Variants in TRAF3IP2 observed in about 807,000 individuals in gnomAD.
TRAF3IP2 encodes E3 ubiquitin ligase TRAF3IP2.
TRAF3IP2 carries 35 observed loss-of-function variants against 57.9 expected under a neutral mutation model. The ratio of observed to expected loss-of-function variants is 0.60; its 90% CI spans 0.46 to 0.80. The LOEUF is 0.80. Among genes scored for constraint, TRAF3IP2 ranks in the 30% least tolerant of loss-of-function variants. The pLI is 0.00. For missense variants in TRAF3IP2, 556 were observed against 706.4 expected (o/e 0.79, Z 2.41); for synonymous variants, 251 against 268.9 (o/e 0.93, Z 0.65).
At chr6:111,559,967 C>G (rs1795375849) in intron 8 of TRAF3IP2, among the ~76,000 whole-genome samples, 1 of 152,192 alleles carries the variant, frequency 6.6e-6, no homozygotes, top group South Asian at 2.1e-4. Context: ...GTCTGGCCTG[C>G]AGTAGAAGGA....
intron 8 of TRAF3IP2, among the ~76,000 whole-genome samples, chr6:111,561,405 A>C (rs368930662): frequency 1.3e-4 from 20 of 151,992 alleles, no homozygotes; most frequent in Admixed American, 9.8e-4. Context: ...ACACCACTAC[A>C]CTCCAGCCTG....
intron 8 of TRAF3IP2, 64 bp from the exon 9 acceptor site, chr6:111,559,615 G>A: frequency 6.4e-7 from 1 of 1,566,536 alleles, no homozygotes; most frequent in Non-Finnish European, 8.7e-7. Flanking sequence ...CAGATCCCAG[G>A]CTCAGTTCCC....
chr6:111,559,671 C>T, intron 8 of TRAF3IP2, 120 bp from the exon 9 acceptor site: 5 of 1,190,500 alleles, frequency 4.2e-6, no homozygotes, highest in South Asian at 3.0e-5. Context: ...ACCAAACTAT[C>T]CTGGGAGTTG....
chr6:111,578,599 C>T (rs368425411), intron 3 of TRAF3IP2, among the ~76,000 whole-genome samples: 7 of 152,110 alleles, frequency 4.6e-5, no homozygotes, highest in East Asian at 3.9e-4. Context: ...GTCGAGATCT[C>T]GCCACTGCAC....
In TRAF3IP2 at chr6:111,556,156, A is replaced by C. The variant is rs931771251; in HGVS notation, c.*3249T>G. On this transcript the variant is annotated 3_prime_UTR_variant, in exon 9 of 9. Coordinates refer to ENST00000368761, the MANE Select transcript of TRAF3IP2 (RefSeq NM_147686.4). ...GTTGGTGGTCATCGGATCTCATAGA[A>C]ATTTCAGGGGCCAAGCTTTTGTCAC... 1.3e-5 allele frequency among the ~76,000 whole-genome samples: 2 copies of C among 151,352 alleles called. No individual in the cohort carries two copies. Among genetic ancestry groups the C allele is most frequent in the African/African-American group, 4.9e-5 (2 of 41,184 alleles).
intron 7 of TRAF3IP2, 73 bp downstream of exon 7, chr6:111,566,371 A>G (rs993848208): frequency 2.5e-6 from 3 of 1,204,960 alleles, no homozygotes; most frequent in Non-Finnish European, 3.6e-6. Context: ...TCTCTGGGGA[A>G]GAATGGGACT....
chr6:111,565,200 C>T (rs1222561461), intron 7 of TRAF3IP2: 1 of 152,202 alleles, frequency 6.6e-6, no homozygotes, highest in Non-Finnish European at 1.5e-5. Context: ...CATGAAGACT[C>T]AGATGGGGAA....
chr6:111,562,894 C>T, intron 8 of TRAF3IP2, 71 bp downstream of exon 8: 1 of 1,153,488 alleles, frequency 8.7e-7, no homozygotes, highest in South Asian at 1.4e-5. Context: ...CAAGGTTTTC[C>T]ATTTAAAATC....
chr6:111,600,916 C>T (rs908505945), intron 1 of TRAF3IP2: 2 of 300,172 alleles, frequency 6.7e-6, no homozygotes, highest in Non-Finnish European at 1.2e-5. Flanking sequence ...TTAATCCTCA[C>T]ACCCACTCTA....
rs779604449 is a variant in TRAF3IP2, at chr6:111,591,953, T to C, written c.134A>G (p.Asn45Ser). ...PAPNIRNMAPNSLSAPTMLHN... is the reference protein window; with the variant it reads ...PAPNIRNMAPSSLSAPTMLHN... The stretch of plus-strand genomic sequence containing the variant: ...AAGCATTGTGGGTGCAGACAAGCTG[T>C]TGGGTGCCATGTTCCTTATATTTGG... Residue 45 changes from asparagine (N) to serine (S), a missense_variant, in exon 2 of 9, where the codon AAC becomes AGC. This residue lies in a region of TRAF3IP2 where 428 missense variants were observed against 498.7 expected (regional missense o/e 0.86). Coordinates refer to ENST00000368761, the MANE Select transcript of TRAF3IP2 (RefSeq NM_147686.4). The surrounding 1 kb of genome is among the most constrained non-coding windows in gnomAD (Gnocchi z 4.9). 3 of 1,614,184 alleles carry C rather than the reference T, an allele frequency of 1.9e-6. 1 individual carries two copies. Among genetic ancestry groups the C allele is most frequent in the South Asian group, 2.2e-5 (2 of 91,084 alleles).
chr6:111,570,015 T>C (rs2128373075), intron 5 of TRAF3IP2, among the ~76,000 whole-genome samples: 1 of 152,302 alleles, frequency 6.6e-6, no homozygotes, highest in East Asian at 1.9e-4. Context: ...GTGACTGTAT[T>C]TGGAGACAGG....
intron 1 of TRAF3IP2, chr6:111,600,404 C>T (rs1216195688): frequency 1.3e-5 from 2 of 152,208 alleles, no homozygotes; most frequent in African/African-American, 4.8e-5. Context: ...GTACGTGTTA[C>T]CACTTTGCCA....
At chr6:111,604,879 C>A (rs574277082) in intron 1 of TRAF3IP2, among the ~76,000 whole-genome samples, 1 of 152,262 alleles carries the variant, frequency 6.6e-6, no homozygotes, top group East Asian at 1.9e-4. Context: ...TTACCACTAC[C>A]CCTCTGGGAC....
In TRAF3IP2 at chr6:111,575,723, G is replaced by T. The variant is rs1795962978; in HGVS notation, c.1121C>A (p.Ser374Tyr). ...ELRPQVPQPP[S>Y]PAAVPRPPSN... is the part of the protein sequence containing the mutation. ...AGGGGGTCTAGGCACAGCAGCTGGG[G>T]ACGGAGGCTGGGGAACCTGTGGTCT... The change falls in exon 4 of 9, where the codon TCC becomes TAC. Residue 374 changes from serine to tyrosine, a missense_variant. This residue lies in a region of TRAF3IP2 where 428 missense variants were observed against 498.7 expected (regional missense o/e 0.86). Coordinates refer to ENST00000368761, the MANE Select transcript of TRAF3IP2 (RefSeq NM_147686.4). 1 of 1,612,782 alleles carries T rather than the reference G, an allele frequency of 6.2e-7. No homozygotes were observed. Among genetic ancestry groups the T allele is most frequent in the Non-Finnish European group, 8.5e-7 (1 of 1,179,610 alleles).
At chr6:111,569,135 T>C (rs1795746951) in intron 5 of TRAF3IP2, among the ~76,000 whole-genome samples, 1 of 152,170 alleles carries the variant, frequency 6.6e-6, no homozygotes, top group African/African-American at 2.4e-5. Context: ...ATGACTCCTG[T>C]TTTCAAATGT....
chr6:111,573,044 T>C, intron 4 of TRAF3IP2, 61 bp from the exon 5 acceptor site: 2 of 1,305,068 alleles, frequency 1.5e-6, no homozygotes, highest in Non-Finnish European at 2.2e-6. Context: ...TAAACAAACT[T>C]CTAAATTATA....
chr6:111,585,840 C>A (rs543265613), intron 2 of TRAF3IP2, among the ~76,000 whole-genome samples: 1 of 152,128 alleles, frequency 6.6e-6, no homozygotes, highest in Non-Finnish European at 1.5e-5. Context: ...CACAAATGGG[C>A]GCCCAGGACT....
chr6:111,564,210 A>G (rs1795547575), intron 7 of TRAF3IP2, among the ~76,000 whole-genome samples: 1 of 152,060 alleles, frequency 6.6e-6, no homozygotes, highest in Non-Finnish European at 1.5e-5. Context: ...AATCCTCCAC[A>G]AGGTGTTTTT....
intron 8 of TRAF3IP2, among the ~76,000 whole-genome samples, chr6:111,560,599 T>TA (rs894091360): frequency 3.3e-5 from 5 of 152,132 alleles, no homozygotes; most frequent in Non-Finnish European, 7.3e-5. Context: ...CTTCAAATCT[T>TA]AGGATGAAAG....
Sources: gnomAD v4.1 joint callset for allele counts (sites outside exome capture counted in the v4.1 genomes callset) on GRCh38, gnomAD v4.1.1 for gene constraint, gnomAD v4.1.1 regional missense constraint, Gnocchi (gnomAD v3.1) non-coding constraint, MANE v1.5 for transcripts, NCBI Gene and HGNC (gene_info 2026-07-23, HGNC 2026-07-21) for gene names.